ZNF292: variants seen among roughly 807,000 people sequenced by gnomAD.
ZNF292 encodes the protein 16 zinc-finger domain protein.
In ZNF292, 26 loss-of-function variants were observed where a neutral mutation model predicts 217.9. That is an observed-to-expected ratio of 0.12 (90% CI 0.09 to 0.17). The LOEUF (loss-of-function observed/expected upper bound fraction) is 0.17. Ranked by LOEUF, ZNF292 falls within the 10% of genes least tolerant of loss-of-function variation. ZNF292 has a pLI of 1.00. For synonymous variants in ZNF292, 1,257 were observed against 1,124.1 expected (o/e 1.12, Z -2.37); for missense variants, 2,904 against 3,175.2 (o/e 0.91, Z 2.05).
chr6:87,225,030 G>C lies in ZNF292; in HGVS notation c.538+6299G>C, dbSNP rs148075657. Among the ~76,000 whole-genome samples, 549 of 152,246 alleles carry C rather than the reference G, an allele frequency of 3.6e-3. 2 individuals are homozygous for C. Among genetic ancestry groups the C allele is most frequent in the African/African-American group, 0.013 (528 of 41,546 alleles). ...CATACCCTTACCAACAATTGGTATT[G>C]TCCGTTTTTGGAATTTTAGCCATTC... On this transcript the variant is annotated intron_variant, in intron 4 of 7. Coordinates refer to ENST00000369577, the MANE Select transcript of ZNF292 (RefSeq NM_015021.3).
chr6:87,243,280 GTT>G (rs58565257), intron 5 of ZNF292, among the ~76,000 whole-genome samples, 193 bp from the exon 6 acceptor site: 35 of 136,140 alleles, frequency 2.6e-4, no homozygotes, highest in Admixed American at 2.9e-4. Flanking sequence ...ATAAAGAAAG[GTT>G]TTTTTTTTTT....
chr6:87,189,506 T>A (rs975853727), intron 1 of ZNF292, among the ~76,000 whole-genome samples: 13 of 152,244 alleles, frequency 8.5e-5, no homozygotes, highest in Middle Eastern at 6.8e-3. Context: ...ATTTGTAATA[T>A]CTCCTTAGGC....
chr6:87,232,452 C>G (rs1773702180), intron 4 of ZNF292, among the ~76,000 whole-genome samples: 1 of 152,032 alleles, frequency 6.6e-6, no homozygotes, highest in Admixed American at 6.5e-5. Context: ...AAAGCCTTCC[C>G]AAGGTTTCAG....
intron 3 of ZNF292, among the ~76,000 whole-genome samples, chr6:87,218,111 G>A (rs1772881117): frequency 6.6e-6 from 1 of 152,110 alleles, no homozygotes; most frequent in East Asian, 1.9e-4. Flanking sequence ...ATGTGAAATT[G>A]CCAGAACTAT....
intron 1 of ZNF292, chr6:87,173,952 C>A (rs1363287280): frequency 1.3e-5 from 3 of 239,926 alleles, no homozygotes; most frequent in South Asian, 1.2e-4. Context: ...GTACTATAAC[C>A]TTTTACCCTG....
chr6:87,245,571 G>T lies in ZNF292; in HGVS notation c.947G>T (p.Arg316Met). 6.4e-7 allele frequency: 1 copy of T among 1,567,328 alleles called. No individual in the cohort carries two copies. ...VEPSIQVYLE[R>M]CRQLSLLTKT... is the part of the protein sequence containing the mutation. Reference sequence around the variant, plus strand: ...CCATCTATACAAGTGTACCTTGAGAGGTGTCGTCAACTTTCTTTGTTAACG... The same window carrying T: ...CCATCTATACAAGTGTACCTTGAGATGTGTCGTCAACTTTCTTTGTTAACG... The change falls in exon 7 of 8, where the codon AGG becomes ATG. Residue 316 changes from arginine (R) to methionine (M), a missense_variant. Physicochemically the swap from Arg to Met is moderately conservative, Grantham distance 91 (BLOSUM62 -1). Around this residue, in one of 15 missense-constraint regions of ZNF292, gnomAD observed 313 missense variants for 451.0 expected, o/e 0.69. Transcript: ENST00000369577.
chr6:87,261,132 G>C lies in ZNF292; in HGVS notation c.7503G>C (p.Glu2501Asp), dbSNP rs771984219. 1.2e-5 allele frequency: 20 copies of C among 1,612,688 alleles called. No individual in the cohort carries two copies. The African/African-American group carries it at 1.9e-4, about 15-fold the overall frequency. The change falls in exon 8 of 8, where the codon GAG becomes GAC. Residue 2501 changes from glutamate (E) to aspartate (D), a missense_variant. By Grantham distance (45) the Glu-to-Asp change is conservative (BLOSUM62 2). This residue lies in a region of ZNF292 where 380 missense variants were observed against 355.3 expected (regional missense o/e 1.07). Coordinates refer to ENST00000369577, the MANE Select transcript of ZNF292 (RefSeq NM_015021.3). ...KLINEDSTSV[E>D]TQANTSSNVS... ...TAAATGAAGATAGCACAAGTGTAGA[G>C]ACCCAAGCTAATACTTCTTCAAATG...
chr6:87,257,669 G>T lies in ZNF292; in HGVS notation c.4040G>T (p.Arg1347Leu). Residue 1347 changes from arginine (R) to leucine (L), a missense_variant, in exon 8 of 8, where the codon CGT becomes CTT. Coordinates refer to ENST00000369577, the MANE Select transcript of ZNF292 (RefSeq NM_015021.3). The part of the protein sequence containing the change: ...QSAPEKVKKD[R>L]GRGPNGKERK... The stretch of plus-strand genomic sequence containing the variant: ...GCACCTGAAAAAGTTAAAAAAGACC[G>T]TGGGCGGGGCCCAAATGGGAAGGAA... 3.7e-6 allele frequency: 6 copies of T among 1,611,282 alleles called. No individual in the cohort carries two copies. The highest frequency in any genetic ancestry group is 5.1e-6 in the Non-Finnish European group (6 of 1,178,562).
chr6:87,257,784 T>C lies in ZNF292; in HGVS notation c.4155T>C (p.Thr1385=). The stretch of plus-strand genomic sequence containing the variant: ...GTAGCAGGTGTTACAGGGCTTTTAC[T>C]AATCCCAGATCACTGGGTGGGCACT... ...FICSRCYRAF[T]NPRSLGGHLS... The change falls in exon 8 of 8, where the codon ACT becomes ACC. Residue 1385 remains threonine (T), a synonymous_variant. Coordinates refer to ENST00000369577, the MANE Select transcript of ZNF292 (RefSeq NM_015021.3). 1.9e-6 allele frequency: 3 copies of C among 1,613,816 alleles called. No individual in the cohort carries two copies. Among genetic ancestry groups the C allele is most frequent in the Non-Finnish European group, 2.5e-6 (3 of 1,179,802 alleles).
Position 87,265,096 on chromosome 6 carries a change from T to C in ZNF292, c.*3295T>C, listed in dbSNP as rs1473214196. ...CTAAATTGTGTGCTGTAGTTCTCTC[T>C]CTCTCTCTCTCTTTTTTTTTCTTTG... On this transcript the variant is annotated 3_prime_UTR_variant, in exon 8 of 8. Transcript: ENST00000369577. 6.6e-6 allele frequency among the ~76,000 whole-genome samples: 1 copy of C among 151,834 alleles called. No homozygotes were observed. Among genetic ancestry groups the C allele is most frequent in the Non-Finnish European group, 1.5e-5 (1 of 67,986 alleles).
intron 5 of ZNF292, among the ~76,000 whole-genome samples, chr6:87,237,594 G>A (rs1282790072): frequency 1.3e-5 from 2 of 152,072 alleles, no homozygotes; most frequent in Admixed American, 6.6e-5. Context: ...AGTATACTTC[G>A]TAAATTCATA....
chr6:87,163,324 A>G (rs9294371), intron 1 of ZNF292, among the ~76,000 whole-genome samples: 95,546 of 151,652 alleles, frequency 0.63, 31,679 homozygotes, highest in African/African-American at 0.85. Context: ...GGTGATGGAC[A>G]CCTGTTGTCC....
At chr6:87,234,449 C>T (rs1773800498) in intron 5 of ZNF292, among the ~76,000 whole-genome samples, 1 of 151,806 alleles carries the variant, frequency 6.6e-6, no homozygotes, top group African/African-American at 2.4e-5. Context: ...ATCCCAGCTA[C>T]TTGGTAGGCT....
chr6:87,245,213 C>T (rs962937351), intron 6 of ZNF292, among the ~76,000 whole-genome samples: 17 of 151,924 alleles, frequency 1.1e-4, no homozygotes, highest in African/African-American at 4.1e-4. Context: ...GCACTTCAGC[C>T]TGGGTGACAG....
chr6:87,228,138 G>A (rs1773456375), intron 4 of ZNF292, among the ~76,000 whole-genome samples: 1 of 152,120 alleles, frequency 6.6e-6, no homozygotes, highest in African/African-American at 2.4e-5. Flanking sequence ...TCATCCTACT[G>A]GGTGTGAGGT....
Position 87,257,884 on chromosome 6 carries a change from C to A in ZNF292, c.4255C>A (p.Pro1419Thr), listed in dbSNP as rs1205075805. The A allele has an allele frequency of 1.2e-6, 2 of 1,613,866 alleles. No homozygotes were observed. Among genetic ancestry groups the A allele is most frequent in the Admixed American group, 3.3e-5 (2 of 59,986 alleles). Residue 1419 changes from proline (P) to threonine (T), a missense_variant, in exon 8 of 8, where the codon CCT (proline) becomes ACT (threonine). Physicochemically the swap from Pro to Thr is conservative, Grantham distance 38 (BLOSUM62 -1). Coordinates refer to ENST00000369577, the MANE Select transcript of ZNF292 (RefSeq NM_015021.3). ...AGAACTTCTACAGAGTAATGGACAG[C>A]CTTCTCTTCTTGCCAGCATGATTCT... ...AQELLQSNGQ[P>T]SLLASMILST... is the part of the protein sequence containing the mutation.
chr6:87,256,537 T>C lies in ZNF292; in HGVS notation c.2908T>C (p.Leu970=), dbSNP rs1406215532. 6.2e-7 allele frequency: 1 copy of C among 1,613,396 alleles called. No homozygotes were observed. Among genetic ancestry groups the C allele is most frequent in the Non-Finnish European group, 8.5e-7 (1 of 1,179,826 alleles). Residue 970 remains leucine (L), a synonymous_variant, in exon 8 of 8, where the codon TTA becomes CTA. Transcript: ENST00000369577. ...CAGTGGTGAAGCACTGGTCACAGAC[T>C]TACATACGCCAGTTGAAGATACTTG... ...EGSGEALVTD[L]HTPVEDTCND...
At chr6:87,193,007 C>G (rs1337710662) in intron 1 of ZNF292, among the ~76,000 whole-genome samples, 1 of 152,116 alleles carries the variant, frequency 6.6e-6, no homozygotes, top group Non-Finnish European at 1.5e-5. Flanking sequence ...AAGTTATTTT[C>G]TAAAGACAGG....
chr6:87,245,322 A>G (rs904801877), intron 6 of ZNF292, among the ~76,000 whole-genome samples, 181 bp from the exon 7 acceptor site: 2 of 152,146 alleles, frequency 1.3e-5, no homozygotes, highest in African/African-American at 2.4e-5. Context: ...ATGATAAATC[A>G]TATTCTGATT....
Sources: allele counts gnomAD v4.1 joint callset (sites outside exome capture counted in the v4.1 genomes callset), GRCh38; gene constraint gnomAD v4.1.1; regional missense constraint gnomAD v4.1.1; transcripts MANE v1.5; gene names NCBI Gene and HGNC (gene_info 2026-07-23, HGNC 2026-07-21).